CACNA1E: variants seen among roughly 807,000 people sequenced by gnomAD.
The protein encoded by CACNA1E is calcium voltage-gated channel subunit alpha1 E, also known as voltage-dependent R-type calcium channel subunit alpha-1E.
Under a neutral mutation model 259.2 loss-of-function variants are expected in CACNA1E, and 40 were observed. That is an observed-to-expected ratio of 0.15 (90% CI 0.12 to 0.20). The LOEUF is 0.20. Ranked by LOEUF, CACNA1E falls within the 10% of genes least tolerant of loss-of-function variation. The probability of loss-of-function intolerance (pLI) is 1.00; values close to 1 mark genes in which losing one functional copy is unlikely to be tolerated. For synonymous variants in CACNA1E, 1,104 were observed against 1,138.5 expected, an observed-to-expected ratio of 0.97 and a Z score of 0.61; for missense variants, 1,874 against 3,040.1, an observed-to-expected ratio of 0.62 and a Z score of 9.02.
chr1:181,671,651 A>G (rs1285335181), intron 7 of CACNA1E, among the ~76,000 whole-genome samples: 1 of 152,192 alleles, frequency 6.6e-6, no homozygotes, highest in Non-Finnish European at 1.5e-5. Context: ...ATTTCCCTAC[A>G]GGAGAAATGA....
chr1:181,735,373 T>C (rs1293697679), intron 21 of CACNA1E, among the ~76,000 whole-genome samples: 1 of 152,268 alleles, frequency 6.6e-6, no homozygotes, highest in Non-Finnish European at 1.5e-5. Context: ...ATACTTCTTA[T>C]GACTTACTCT....
rs114110050 is a variant in CACNA1E at position 181,557,627 on chromosome 1, C to G, written c.513-20139C>G. ...CATCAGGCTGTGGCTGAGCCTCCAA[C>G]TTGCTTTGCTCCCTTGGCCCAGCAT... On this transcript the variant is annotated intron_variant, in intron 3 of 47. Coordinates refer to ENST00000367573, the MANE Select transcript of CACNA1E (RefSeq NM_001205293.3). 9.2e-3 allele frequency among the ~76,000 whole-genome samples: 1,407 copies of G among 152,332 alleles called. 17 individuals carry two copies. The highest frequency in any genetic ancestry group is 0.014 in the Middle Eastern group (4 of 294).
chr1:181,371,879 A>G (rs2262498), intron 1 of CACNA1E, among the ~76,000 whole-genome samples: 31,302 of 152,182 alleles, frequency 0.21, 3,702 homozygotes, highest in African/African-American at 0.33. Context: ...AACTTTGTGG[A>G]AAATCAGATG....
intron 6 of CACNA1E, among the ~76,000 whole-genome samples, chr1:181,638,034 A>G (rs1010805045): frequency 5.3e-5 from 8 of 152,214 alleles, no homozygotes; most frequent in African/African-American, 1.9e-4. Flanking sequence ...GGGGATTGGC[A>G]TGGGCAAATT....
chr1:181,552,408 C>G (rs904296046), intron 3 of CACNA1E, among the ~76,000 whole-genome samples: 1 of 152,000 alleles, frequency 6.6e-6, no homozygotes, highest in African/African-American at 2.4e-5. Flanking sequence ...CTAGAGGCCT[C>G]CCTGCAGGTG....
chr1:181,486,024 C>A (rs1032532835), intron 1 of CACNA1E, among the ~76,000 whole-genome samples: 1 of 152,258 alleles, frequency 6.6e-6, no homozygotes, highest in African/African-American at 2.4e-5. Flanking sequence ...AGCTGAGAAA[C>A]CAGGCACGTT....
intron 32 of CACNA1E, among the ~76,000 whole-genome samples, chr1:181,760,416 C>T (rs576399938): frequency 6.6e-6 from 1 of 152,276 alleles, no homozygotes; most frequent in Non-Finnish European, 1.5e-5. Context: ...CTGAAATAGG[C>T]ATGGCAGATG....
chr1:181,572,153 G>A (rs1355298169), intron 3 of CACNA1E, among the ~76,000 whole-genome samples: 1 of 152,160 alleles, frequency 6.6e-6, no homozygotes, highest in Non-Finnish European at 1.5e-5. Flanking sequence ...GAATGTGCCT[G>A]TGAAAAGATA....
chr1:181,579,922 G>A lies in CACNA1E; in HGVS notation c.770-673G>A, dbSNP rs1011965036. Among the ~76,000 whole-genome samples the A allele has an allele frequency of 5.3e-5, 8 of 152,302 alleles. 1 individual carries two copies. In the South Asian group the frequency reaches 8.3e-4, roughly 16 times the overall value. On this transcript the variant is annotated intron_variant, in intron 5 of 47. Coordinates refer to ENST00000367573, the MANE Select transcript of CACNA1E (RefSeq NM_001205293.3). ...AGGGAGCTCTGAGCTTGGTTTGCAA[G>A]TGTGCTTGGGAGATTGTTAGGGTAC...
At chr1:181,343,859 A>G (rs951037618) in intron 1 of CACNA1E, among the ~76,000 whole-genome samples, 1 of 151,788 alleles carries the variant, frequency 6.6e-6, no homozygotes, top group Non-Finnish European at 1.5e-5. Flanking sequence ...CAAAGTCCTC[A>G]TTGTGGCCCC....
At chr1:181,641,829 TC>T (rs1657809110) in intron 6 of CACNA1E, among the ~76,000 whole-genome samples, 1 of 147,036 alleles carries the variant, frequency 6.8e-6, no homozygotes, top group Admixed American at 6.9e-5. Context: ...TTCTTCTGCC[TC>T]AGCCTCCTGA....
At chr1:181,484,417 C>T (rs1049206510) in intron 1 of CACNA1E, among the ~76,000 whole-genome samples, 6 of 152,148 alleles carry the variant, frequency 3.9e-5, no homozygotes, top group Non-Finnish European at 5.9e-5. Flanking sequence ...CTGCCCGTAT[C>T]CCCACCAACC....
At chr1:181,661,988 A>AT (rs1354731386) in intron 7 of CACNA1E, among the ~76,000 whole-genome samples, 2 of 152,256 alleles carry the variant, frequency 1.3e-5, no homozygotes, top group Non-Finnish European at 2.9e-5. Flanking sequence ...CAGGTCCTCC[A>AT]TGACGGCCAT....
intron 2 of CACNA1E, among the ~76,000 whole-genome samples, chr1:181,421,998 T>C (rs1439820298): frequency 6.6e-6 from 1 of 152,214 alleles, no homozygotes; most frequent in Non-Finnish European, 1.5e-5. Flanking sequence ...TTCCCTGTGC[T>C]CCTGCCCACT....
At chr1:181,680,094 A>T (rs1649786244) in intron 7 of CACNA1E, among the ~76,000 whole-genome samples, 1 of 136,780 alleles carries the variant, frequency 7.3e-6, no homozygotes, top group Admixed American at 7.6e-5. Context: ...TGACAGAGTG[A>T]GACCTTGTCT....
intron 25 of CACNA1E, among the ~76,000 whole-genome samples, chr1:181,745,963 G>A (rs1485451529): frequency 6.6e-6 from 1 of 152,196 alleles, no homozygotes; most frequent in Non-Finnish European, 1.5e-5. Context: ...GCTTGCAAAA[G>A]GCTCTCGGGA....
intron 7 of CACNA1E, 52 bp from the exon 8 acceptor site, chr1:181,710,902 C>A: frequency 1.6e-6 from 2 of 1,271,208 alleles, no homozygotes; most frequent in South Asian, 1.2e-5. Context: ...CACTCTTTCC[C>A]TTAGTCATGG....
At chr1:181,546,680 C>T (rs2102813908) in intron 3 of CACNA1E, among the ~76,000 whole-genome samples, 1 of 152,280 alleles carries the variant, frequency 6.6e-6, no homozygotes, top group Non-Finnish European at 1.5e-5. Flanking sequence ...TAAACACACC[C>T]TCTTCTCTAC....
intron 2 of CACNA1E, among the ~76,000 whole-genome samples, chr1:181,441,439 C>T (rs115291442): frequency 1.1e-3 from 168 of 152,310 alleles, no homozygotes; most frequent in Non-Finnish European, 1.9e-3. Flanking sequence ...CGTGAGCCAC[C>T]GCACCTGGCC....
Sources: allele counts gnomAD v4.1 joint callset (sites outside exome capture counted in the v4.1 genomes callset), GRCh38; gene constraint gnomAD v4.1.1; transcripts MANE v1.5; gene names NCBI Gene and HGNC (gene_info 2026-07-23, HGNC 2026-07-21).